MSH4: variants seen among roughly 807,000 people sequenced by gnomAD.
The protein encoded by MSH4 is mutS homolog 4, also known as mutS protein homolog 4.
Under a neutral mutation model 113.7 loss-of-function variants are expected in MSH4, and 106 were observed. The observed-to-expected ratio is 0.93, with a 90% CI of 0.80 to 1.10. The LOEUF (loss-of-function observed/expected upper bound fraction) is 1.10, where lower values mean the gene tolerates loss of function less well. MSH4 is among the 50% of genes least tolerant of loss of function. The pLI, the probability that MSH4 is intolerant of heterozygous loss-of-function variation, is 0.00. For synonymous variants in MSH4, 368 were observed against 380.2 expected, an observed-to-expected ratio of 0.97 and a Z score of 0.37; for missense variants, 1,061 against 1,093.7, an observed-to-expected ratio of 0.97 and a Z score of 0.42.
intron 9 of MSH4, among the ~76,000 whole-genome samples, chr1:75,870,502 G>A (rs946354493): frequency 1.3e-5 from 2 of 152,148 alleles, no homozygotes; most frequent in African/African-American, 4.8e-5. Context: ...ATCCCCACAT[G>A]TCAAAGGCAG....
chr1:75,907,684 C>CTCTCTCTCTCTCTCTACA (rs1307238647), intron 19 of MSH4, among the ~76,000 whole-genome samples: 1 of 46,576 alleles, frequency 2.1e-5, no homozygotes, highest in African/African-American at 9.9e-5. Context: ...CTCTCTCTCT[C>CTCTCTCTCTCTCTCTACA]TATACATATA....
intron 1 of MSH4, among the ~76,000 whole-genome samples, 200 bp downstream of exon 1, chr1:75,797,429 C>T (rs1273249123): frequency 1.3e-5 from 2 of 152,140 alleles, no homozygotes; most frequent in Admixed American, 6.5e-5. Context: ...AAGACCTTGA[C>T]TGTGGATGGC....
At chr1:75,885,935 TA>T (rs1215661308) in intron 15 of MSH4, among the ~76,000 whole-genome samples, 1 of 35,242 alleles carries the variant, frequency 2.8e-5, no homozygotes, top group Non-Finnish European at 6.8e-5. Flanking sequence ...ATGTATTATA[TA>T]ACATATATAA....
At chr1:75,825,711 A>T (rs1377738564) in intron 7 of MSH4, among the ~76,000 whole-genome samples, 1 of 152,146 alleles carries the variant, frequency 6.6e-6, no homozygotes, top group Non-Finnish European at 1.5e-5. Context: ...TTCTGCATGT[A>T]TTGAGATAAT....
chr1:75,847,107 C>T (rs978078328), intron 7 of MSH4, among the ~76,000 whole-genome samples: 5 of 152,124 alleles, frequency 3.3e-5, no homozygotes, highest in African/African-American at 1.2e-4. Flanking sequence ...TGAACTCATC[C>T]TTTTATCAAG....
Position 75,867,495 on chromosome 1 carries a change from TG to T in MSH4, c.1231-16del. On this transcript the variant is annotated intron_variant, in intron 8 of 19. Coordinates refer to ENST00000263187, the MANE Select transcript of MSH4 (RefSeq NM_002440.4). The stretch of plus-strand genomic sequence containing the variant: ...AATATTTATGGTGTCCATCCAAATT[TG>T]GGTTTTTATCTTAACAGGTCAATGC... The T allele has an allele frequency of 7.0e-7, 1 of 1,426,076 alleles. No individual in the cohort carries two copies. The highest frequency in any genetic ancestry group is 9.8e-7 in the Non-Finnish European group (1 of 1,022,940). The allele number at this position is 1,426,076 out of a possible 1,614,324, so 88.3% of individuals were successfully genotyped here. A position where few individuals can be genotyped will look rare whatever the true frequency, so the allele number is the denominator to read the frequency against.
intron 8 of MSH4, among the ~76,000 whole-genome samples, chr1:75,852,598 T>G (rs1178563741): frequency 6.6e-6 from 1 of 152,224 alleles, no homozygotes; most frequent in East Asian, 1.9e-4. Context: ...ATGGTTTTGG[T>G]ATACATTTCC....
intron 18 of MSH4, among the ~76,000 whole-genome samples, chr1:75,898,520 ATT>A (rs35302747): frequency 1.6e-3 from 228 of 141,528 alleles, no homozygotes; most frequent in Middle Eastern, 3.7e-3. Flanking sequence ...ACCAAACCAT[ATT>A]TTTTTTTTTT....
chr1:75,893,911 C>A (rs780319573), intron 17 of MSH4, among the ~76,000 whole-genome samples: 3 of 152,100 alleles, frequency 2.0e-5, no homozygotes, highest in Non-Finnish European at 4.4e-5. Flanking sequence ...GAAAAACAGA[C>A]CAAAAGTTGG....
intron 8 of MSH4, among the ~76,000 whole-genome samples, chr1:75,854,666 C>CAGTTTAATATGAACAGTTTAATATGA (rs1245279590): frequency 9.2e-5 from 14 of 152,120 alleles, no homozygotes; most frequent in Non-Finnish European, 4.4e-5. Flanking sequence ...GATACTACAT[C>CAGTTTAATATGAACAGTTTAATATGA]ACATTGTTCA....
At chr1:75,899,759 G>C (rs1241560919) in intron 19 of MSH4, 53 bp downstream of exon 19, 1 of 985,374 alleles carries the variant, frequency 1.0e-6, no homozygotes, top group Non-Finnish European at 1.4e-6. Flanking sequence ...TACTTTTAGT[G>C]TAGATTTTTA....
chr1:75,809,271 A>G (rs1650134916), intron 3 of MSH4, among the ~76,000 whole-genome samples: 1 of 152,050 alleles, frequency 6.6e-6, no homozygotes. Context: ...GTGTTTCATT[A>G]TTTTTTAATT....
intron 9 of MSH4, among the ~76,000 whole-genome samples, chr1:75,875,556 G>A (rs1651801163): frequency 6.6e-6 from 1 of 152,174 alleles, no homozygotes; most frequent in Non-Finnish European, 1.5e-5. Flanking sequence ...AAGCGGGCCA[G>A]CAAAATGCCT....
chr1:75,818,193 C>G (rs1650330883), intron 6 of MSH4, among the ~76,000 whole-genome samples: 1 of 152,206 alleles, frequency 6.6e-6, no homozygotes, highest in South Asian at 2.1e-4. Flanking sequence ...GAAATCAGAT[C>G]TTGTAACTCT....
In MSH4 at chr1:75,854,013, G is replaced by GTATATATATATATA. The variant is rs59347058; in HGVS notation, c.1230+5739_1230+5752dup. 8.5e-4 allele frequency among the ~76,000 whole-genome samples: 99 copies of GTATATATATATATA among 116,858 alleles called. 4 individuals carry two copies. In the South Asian group the frequency reaches 0.01, roughly 12 times the overall value. 76.7% of individuals were successfully genotyped at this position (116,858 alleles called of 152,430 possible). A position where few individuals can be genotyped will look rare whatever the true frequency, so the allele number is the denominator to read the frequency against. Reference sequence around the variant, plus strand: ...ATGGCTAGGGCATAAGTGTGTGTGTGTATATATATATATATGCATAAATAT... The same window carrying GTATATATATATATA: ...ATGGCTAGGGCATAAGTGTGTGTGTGTATATATATATATATATATATATATATATGCATAAATAT... On this transcript the variant is annotated intron_variant, in intron 8 of 19. Coordinates refer to ENST00000263187, the MANE Select transcript of MSH4 (RefSeq NM_002440.4).
At chr1:75,865,296 T>G (rs1439378726) in intron 8 of MSH4, among the ~76,000 whole-genome samples, 1 of 152,228 alleles carries the variant, frequency 6.6e-6, no homozygotes, top group Non-Finnish European at 1.5e-5. Flanking sequence ...GGATCTAGTT[T>G]ATCAGTTTTT....
At chr1:75,855,131 T>C (rs1651287335) in intron 8 of MSH4, among the ~76,000 whole-genome samples, 1 of 152,062 alleles carries the variant, frequency 6.6e-6, no homozygotes, top group Admixed American at 6.6e-5. Flanking sequence ...TTGACCTCCC[T>C]GGCTTGTGCA....
At chr1:75,833,635 C>G (rs908983021) in intron 7 of MSH4, among the ~76,000 whole-genome samples, 3 of 152,016 alleles carry the variant, frequency 2.0e-5, no homozygotes, top group Non-Finnish European at 2.9e-5. Flanking sequence ...TACCACACAT[C>G]TACAACCATC....
chr1:75,829,199 T>C (rs537390028), intron 7 of MSH4, among the ~76,000 whole-genome samples: 2 of 152,198 alleles, frequency 1.3e-5, no homozygotes, highest in South Asian at 4.2e-4. Flanking sequence ...AGCACAGCAG[T>C]CTGAGATCGA....
Sources: allele counts gnomAD v4.1 joint callset (sites outside exome capture counted in the v4.1 genomes callset), GRCh38; gene constraint gnomAD v4.1.1; transcripts MANE v1.5; gene names NCBI Gene and HGNC (gene_info 2026-07-23, HGNC 2026-07-21).